Variants in CSMD1 observed in about 807,000 individuals in gnomAD.
CSMD1 encodes the protein CUB and sushi domain-containing protein 1.
CSMD1 carries 213 observed loss-of-function variants against 417.5 expected under a neutral mutation model. The ratio of observed to expected loss-of-function variants is 0.51; its 90% CI spans 0.46 to 0.57. The LOEUF (loss-of-function observed/expected upper bound fraction) is 0.57. Ranked by LOEUF, CSMD1 falls within the 20% of genes least tolerant of loss-of-function variation. CSMD1 has a pLI of 0.00. For missense variants in CSMD1, 6,923 were observed against 4,529.7 expected (o/e 1.53, Z -15.17); for synonymous variants, 2,862 against 1,736.8 (o/e 1.65, Z -16.11).
intron 2 of CSMD1, among the ~76,000 whole-genome samples, chr8:4,488,944 C>T (rs909957066): frequency 1.3e-5 from 2 of 152,182 alleles, no homozygotes; most frequent in African/African-American, 4.8e-5. Context: ...CTGAGTCTTG[C>T]TCTTTCACCC....
At chr8:3,412,584 G>T (rs1300734995) in intron 12 of CSMD1, among the ~76,000 whole-genome samples, 1 of 152,146 alleles carries the variant, frequency 6.6e-6, no homozygotes, top group African/African-American at 2.4e-5. Context: ...CTGTGAAGCA[G>T]AAGAGCACAC....
intron 1 of CSMD1, among the ~76,000 whole-genome samples, chr8:4,854,380 G>A (rs764198211): frequency 6.6e-6 from 1 of 152,126 alleles, no homozygotes; most frequent in Non-Finnish European, 1.5e-5. Flanking sequence ...GGATTTGGTT[G>A]TTTAGAAGCG....
intron 3 of CSMD1, among the ~76,000 whole-genome samples, chr8:4,038,310 A>G (rs1021051759): frequency 2.6e-5 from 4 of 152,300 alleles, no homozygotes; most frequent in Middle Eastern, 3.4e-3. Flanking sequence ...CAAAAAACGC[A>G]AAACAGACAT....
intron 2 of CSMD1, among the ~76,000 whole-genome samples, chr8:4,475,930 T>G (rs901379811): frequency 2.0e-5 from 3 of 152,162 alleles, no homozygotes; most frequent in Non-Finnish European, 4.4e-5. Context: ...TATACTTTGT[T>G]GGTGTTATTG....
intron 6 of CSMD1, among the ~76,000 whole-genome samples, chr8:3,725,139 G>A (rs760980962): frequency 6.6e-6 from 1 of 152,190 alleles, no homozygotes; most frequent in Non-Finnish European, 1.5e-5. Flanking sequence ...ACAGCAGATA[G>A]ATAGGAAAGG....
chr8:4,345,905 C>A (rs1042885758), intron 3 of CSMD1, among the ~76,000 whole-genome samples: 1 of 152,112 alleles, frequency 6.6e-6, no homozygotes, highest in Admixed American at 6.6e-5. Flanking sequence ...TGTATTCAGT[C>A]AAGACGTAAC....
At chr8:3,600,626 G>C (rs1027965743) in intron 8 of CSMD1, among the ~76,000 whole-genome samples, 1 of 152,026 alleles carries the variant, frequency 6.6e-6, no homozygotes, top group African/African-American at 2.4e-5. Flanking sequence ...GGTGGCAGTG[G>C]AAAACGACTG....
intron 6 of CSMD1, among the ~76,000 whole-genome samples, chr8:3,712,207 C>G (rs1371850534): frequency 6.6e-6 from 1 of 152,128 alleles, no homozygotes; most frequent in Non-Finnish European, 1.5e-5. Context: ...CAACGTTGTA[C>G]AAAAAGGGAA....
intron 50 of CSMD1, among the ~76,000 whole-genome samples, chr8:3,036,865 G>C (rs938300228): frequency 6.6e-6 from 1 of 151,922 alleles, no homozygotes; most frequent in South Asian, 2.1e-4. Context: ...AGCGTTTTTG[G>C]TTACATGGAT....
intron 5 of CSMD1, among the ~76,000 whole-genome samples, chr8:3,856,110 C>G (rs1291633914): frequency 1.3e-5 from 2 of 151,936 alleles, no homozygotes; most frequent in Non-Finnish European, 2.9e-5. Context: ...AAATGTAATT[C>G]CCAGTGCTGG....
At chr8:3,863,395 C>CAAAAAAAA (rs35446566) in intron 5 of CSMD1, among the ~76,000 whole-genome samples, 1 of 90,318 alleles carries the variant, frequency 1.1e-5, no homozygotes, top group Non-Finnish European at 2.4e-5. Flanking sequence ...ATACTCTGCT[C>CAAAAAAAA]AAAAAAAAAA....
At chr8:3,856,950 TACA>T (rs1804354619) in intron 5 of CSMD1, among the ~76,000 whole-genome samples, 1 of 151,956 alleles carries the variant, frequency 6.6e-6, no homozygotes, top group Admixed American at 6.6e-5. Context: ...TCCTGACAGG[TACA>T]AAGAATCAAG....
chr8:4,786,863 T>C (rs1797426646), intron 1 of CSMD1, among the ~76,000 whole-genome samples: 1 of 152,116 alleles, frequency 6.6e-6, no homozygotes, highest in East Asian at 1.9e-4. Context: ...TCCAAGAAAA[T>C]AGTAATTATT....
chr8:4,646,755 C>A (rs1803542215), intron 1 of CSMD1, among the ~76,000 whole-genome samples: 3 of 152,140 alleles, frequency 2.0e-5, no homozygotes, highest in Admixed American at 2.0e-4. Context: ...CATACTAAAA[C>A]CCCTAGATCT....
intron 6 of CSMD1, among the ~76,000 whole-genome samples, chr8:3,715,763 A>G (rs561966996): frequency 2.6e-5 from 4 of 152,228 alleles, no homozygotes; most frequent in Admixed American, 2.0e-4. Flanking sequence ...AACTGGTCTC[A>G]AACTCCCGAC....
intron 3 of CSMD1, among the ~76,000 whole-genome samples, chr8:4,395,126 C>G (rs1374143666): frequency 3.9e-5 from 6 of 152,188 alleles, no homozygotes; most frequent in Admixed American, 2.0e-4. Context: ...GAGAGTGGAG[C>G]TGAAGCCCTT....
intron 41 of CSMD1, among the ~76,000 whole-genome samples, chr8:3,135,988 GC>G (rs1383984220): frequency 6.6e-6 from 1 of 152,120 alleles, no homozygotes; most frequent in Non-Finnish European, 1.5e-5. Flanking sequence ...ACATGCCCCA[GC>G]CCACACAGCT....
intron 5 of CSMD1, among the ~76,000 whole-genome samples, chr8:3,846,143 A>T (rs559526059): frequency 2.6e-5 from 4 of 152,338 alleles, no homozygotes; most frequent in African/African-American, 4.8e-5. Context: ...GTTGTTTATG[A>T]TCAGGATCAA....
At chr8:4,407,704 A>G (rs528980229) in intron 3 of CSMD1, among the ~76,000 whole-genome samples, 1 of 152,350 alleles carries the variant, frequency 6.6e-6, no homozygotes, top group African/African-American at 2.4e-5. Context: ...CACGATATTC[A>G]TAAATAGCTG....
Sources: allele counts gnomAD v4.1 joint callset (sites outside exome capture counted in the v4.1 genomes callset), GRCh38; gene constraint gnomAD v4.1.1; transcripts MANE v1.5; gene names NCBI Gene and HGNC (gene_info 2026-07-23, HGNC 2026-07-21).